WDR70: variants seen among roughly 807,000 people sequenced by gnomAD.
The protein encoded by WDR70 is WD repeat-containing protein 70.
WDR70 carries 53 observed loss-of-function variants against 88.6 expected under a neutral mutation model. That is an observed-to-expected ratio of 0.60 (90% CI 0.48 to 0.75). WDR70 has a LOEUF of 0.75. Ranked by LOEUF, WDR70 falls within the 30% of genes least tolerant of loss-of-function variation. WDR70 has a pLI of 0.00. For missense variants in WDR70, 610 were observed against 823.2 expected (o/e 0.74, Z 3.17); for synonymous variants, 280 against 270.0 (o/e 1.04, Z -0.36).
At chr5:37,434,077 C>T (rs56658180) in intron 5 of WDR70, among the ~76,000 whole-genome samples, 1 of 152,192 alleles carries the variant, frequency 6.6e-6, no homozygotes, top group Non-Finnish European at 1.5e-5. Context: ...CAGTTTCACA[C>T]TTCTGGGGAG....
At chr5:37,438,742 T>G (rs1247448457) in intron 6 of WDR70, among the ~76,000 whole-genome samples, 1 of 152,160 alleles carries the variant, frequency 6.6e-6, no homozygotes, top group Non-Finnish European at 1.5e-5. Flanking sequence ...TTACAGTTTT[T>G]CTTTTGAAAA....
At chr5:37,664,350 A>G (rs1162740424) in intron 10 of WDR70, among the ~76,000 whole-genome samples, 1 of 152,230 alleles carries the variant, frequency 6.6e-6, no homozygotes, top group Non-Finnish European at 1.5e-5. Context: ...CTGGCTCTCC[A>G]GTTTTATCTG....
intron 9 of WDR70, among the ~76,000 whole-genome samples, chr5:37,529,392 A>G (rs914437932): frequency 5.3e-5 from 8 of 152,186 alleles, no homozygotes; most frequent in African/African-American, 1.7e-4. Flanking sequence ...ATTGCATTCA[A>G]TTTATAGATT....
At chr5:37,481,338 C>T (rs923319175) in intron 8 of WDR70, among the ~76,000 whole-genome samples, 6 of 152,168 alleles carry the variant, frequency 3.9e-5, no homozygotes, top group South Asian at 4.1e-4. Flanking sequence ...GGGCCCCCCC[C>T]GCTCCCTGCA....
intron 7 of WDR70, 99 bp downstream of exon 7, chr5:37,443,471 A>G (rs1738344842): frequency 6.0e-6 from 8 of 1,333,222 alleles, no homozygotes; most frequent in Middle Eastern, 2.0e-4. Context: ...AATGATTTGT[A>G]TCAAAATACA....
chr5:37,687,018 G>C (rs1746629848), intron 10 of WDR70, among the ~76,000 whole-genome samples: 1 of 151,434 alleles, frequency 6.6e-6, no homozygotes, highest in South Asian at 2.1e-4. Flanking sequence ...ATCAATCTCA[G>C]CTTCCTAAAG....
intron 10 of WDR70, among the ~76,000 whole-genome samples, chr5:37,623,550 T>A (rs1272696767): frequency 6.6e-6 from 1 of 152,198 alleles, no homozygotes; most frequent in Middle Eastern, 3.2e-3. Flanking sequence ...TTCTAAAAGT[T>A]ATCTGGTTTA....
Position 37,605,061 on chromosome 5 carries a change from T to C in WDR70, c.918-3T>C. The C allele has an allele frequency of 6.3e-7, 1 of 1,598,662 alleles. No individual in the cohort carries two copies. Among genetic ancestry groups the C allele is most frequent in the Non-Finnish European group, 8.5e-7 (1 of 1,173,776 alleles). ...AAATGAAAAATCTCCTGATCATTTTTAGGACTGTGAGGACGTGGGAAGTTG... is the reference window on the plus strand; with the variant it reads ...AAATGAAAAATCTCCTGATCATTTTCAGGACTGTGAGGACGTGGGAAGTTG... On this transcript the variant is annotated splice_polypyrimidine_tract_variant and splice_region_variant and intron_variant, in intron 9 of 17. Transcript: ENST00000265107.
chr5:37,674,501 T>C (rs1459493575), intron 10 of WDR70, among the ~76,000 whole-genome samples: 1 of 152,102 alleles, frequency 6.6e-6, no homozygotes, highest in Non-Finnish European at 1.5e-5. Context: ...TTTGTCCTTG[T>C]GATAGTTTAC....
intron 7 of WDR70, among the ~76,000 whole-genome samples, chr5:37,460,947 A>T (rs1738980114): frequency 6.6e-6 from 1 of 151,824 alleles, no homozygotes; most frequent in Non-Finnish European, 1.5e-5. Context: ...CTTGCGTTTC[A>T]TCTTGTTTCA....
intron 17 of WDR70, among the ~76,000 whole-genome samples, chr5:37,748,041 A>G (rs1445271722): frequency 6.6e-6 from 1 of 152,244 alleles, no homozygotes; most frequent in African/African-American, 2.4e-5. Flanking sequence ...AAGAATCAGT[A>G]TGGTGAAAAT....
intron 7 of WDR70, among the ~76,000 whole-genome samples, chr5:37,466,820 A>T (rs539358087): frequency 1.3e-5 from 2 of 152,154 alleles, no homozygotes; most frequent in East Asian, 1.9e-4. Flanking sequence ...GATAGCACAG[A>T]TATAAAACAT....
At chr5:37,716,587 C>A (rs1246275133) in intron 13 of WDR70, among the ~76,000 whole-genome samples, 4 of 152,086 alleles carry the variant, frequency 2.6e-5, no homozygotes, top group South Asian at 2.1e-4. Flanking sequence ...TATTATGTGA[C>A]CTTGGGAAAG....
At chr5:37,420,770 C>T (rs748547903) in intron 5 of WDR70, among the ~76,000 whole-genome samples, 8 of 152,018 alleles carry the variant, frequency 5.3e-5, no homozygotes, top group Non-Finnish European at 7.4e-5. Context: ...AAAAATAAGC[C>T]GAGTGTGCTG....
intron 8 of WDR70, chr5:37,505,805 C>A (rs1288772561): frequency 1.2e-5 from 17 of 1,401,790 alleles, no homozygotes; most frequent in Non-Finnish European, 1.7e-5. Context: ...GATCACAGTT[C>A]TCTAAATTGG....
chr5:37,630,178 G>A (rs1744772930), intron 10 of WDR70, among the ~76,000 whole-genome samples: 2 of 152,184 alleles, frequency 1.3e-5, no homozygotes, highest in South Asian at 4.1e-4. Flanking sequence ...GGGTCAGGCA[G>A]CTTGGAGTCT....
In WDR70 at chr5:37,482,741, C is replaced by G. The variant is rs148024716; in HGVS notation, c.840+2754C>G. 7.4e-3 allele frequency among the ~76,000 whole-genome samples: 1,122 copies of G among 152,238 alleles called. 17 individuals carry two copies. The highest frequency in any genetic ancestry group is 0.025 in the African/African-American group (1,056 of 41,544). ...CTTAGACAGGATCAGAGGGCCAGCTCAAATTTGCAAGGAGGGGAGGTAGAT... is the reference window on the plus strand; with the variant it reads ...CTTAGACAGGATCAGAGGGCCAGCTGAAATTTGCAAGGAGGGGAGGTAGAT... On this transcript the variant is annotated intron_variant, in intron 8 of 17. Coordinates refer to ENST00000265107, the MANE Select transcript of WDR70 (RefSeq NM_018034.4).
intron 9 of WDR70, among the ~76,000 whole-genome samples, chr5:37,553,874 T>C (rs1302424952): frequency 6.6e-6 from 1 of 152,188 alleles, no homozygotes; most frequent in African/African-American, 2.4e-5. Flanking sequence ...AATGGGATTG[T>C]GCGAGCATTA....
chr5:37,728,475 A>G (rs953255455), intron 17 of WDR70, among the ~76,000 whole-genome samples: 33 of 151,802 alleles, frequency 2.2e-4, no homozygotes, highest in Non-Finnish European at 1.3e-4. Context: ...TCCTCCCATC[A>G]TAACAGTTAC....
Sources: allele counts gnomAD v4.1 joint callset (sites outside exome capture counted in the v4.1 genomes callset), GRCh38; gene constraint gnomAD v4.1.1; transcripts MANE v1.5; gene names NCBI Gene and HGNC (gene_info 2026-07-23, HGNC 2026-07-21).